LRRC23: variants seen among roughly 807,000 people sequenced by gnomAD.
LRRC23 encodes the protein leucine rich repeat containing 23.
A neutral mutation model predicts 37.7 loss-of-function variants in LRRC23; 28 were observed. That is an observed-to-expected ratio of 0.74 (90% CI 0.55 to 1.02). LRRC23 has a LOEUF of 1.02. Among genes scored for constraint, LRRC23 ranks in the 50% least tolerant of loss-of-function variants. The probability of loss-of-function intolerance (pLI) is 0.00; values close to 1 mark genes in which losing one functional copy is unlikely to be tolerated. For missense variants in LRRC23, 377 were observed against 413.2 expected (o/e 0.91, Z 0.76); for synonymous variants, 161 against 165.4 (o/e 0.97, Z 0.20).
At chr12:6,908,669 A>T (rs1945016748) in intron 5 of LRRC23, among the ~76,000 whole-genome samples, 1 of 143,832 alleles carries the variant, frequency 7.0e-6, no homozygotes, top group South Asian at 2.2e-4. Flanking sequence ...ATACAAAAAA[A>T]AAAAATTAGC....
chr12:6,910,930 A>G (rs1945144059), intron 6 of LRRC23, among the ~76,000 whole-genome samples: 1 of 151,946 alleles, frequency 6.6e-6, no homozygotes, highest in Non-Finnish European at 1.5e-5. Context: ...AAAGAAAGGA[A>G]TCAGAGGTGA....
chr12:6,910,056 C>T (rs1555140521), intron 6 of LRRC23, 30 bp downstream of exon 6: 1 of 1,583,150 alleles, frequency 6.3e-7, no homozygotes, highest in Admixed American at 1.8e-5. Context: ...CCCACCTTGC[C>T]CCTACCCCTG....
Position 6,914,083 on chromosome 12 carries a change from G to T in LRRC23, c.*217G>T. The stretch of plus-strand genomic sequence containing the variant: ...AATGGGGTGCCTAGGCCTGAGCGTT[G>T]CCTGGAGCCTAGGCCGGGGGCCGCC... On this transcript the variant is annotated 3_prime_UTR_variant, in exon 8 of 8. Transcript: ENST00000443597. This position sits in a 1 kb window ranked among gnomAD's most constrained non-coding sequence, Gnocchi z 7.1. The T allele has an allele frequency of 6.5e-7, 1 of 1,543,950 alleles. No homozygotes were observed. The highest frequency in any genetic ancestry group is 8.7e-7 in the Non-Finnish European group (1 of 1,148,910).
In LRRC23 at chr12:6,905,720, G is replaced by A. The variant is rs782388831; in HGVS notation, c.87G>A (p.Gly29=). Residue 29 remains glycine, a synonymous_variant, in exon 2 of 8, where the codon GGG becomes GGA. Coordinates refer to ENST00000443597, the MANE Select transcript of LRRC23 (RefSeq NM_001135217.2). ...KEEDEKETEE[G]EDYRKEGEEF... is the part of the protein sequence containing the mutation. ...AGGACGAGAAGGAGACAGAGGAGGG[G>A]GAGGACTACAGAAAAGAGGGGGAAG... is the stretch of plus-strand genomic sequence containing the variant. 1.3e-5 allele frequency: 21 copies of A among 1,613,432 alleles called. No individual in the cohort carries two copies. Among genetic ancestry groups the A allele is most frequent in the Non-Finnish European group, 1.8e-5 (21 of 1,179,650 alleles).
intron 5 of LRRC23, among the ~76,000 whole-genome samples, chr12:6,908,823 C>CTAAA (rs1565553133): frequency 1.7e-5 from 2 of 119,082 alleles, no homozygotes; most frequent in African/African-American, 6.2e-5. Context: ...GACTCTGTTT[C>CTAAA]AAAAAAAAAA....
At chr12:6,911,865 C>T (rs1281043414) in intron 6 of LRRC23, among the ~76,000 whole-genome samples, 1 of 152,020 alleles carries the variant, frequency 6.6e-6, no homozygotes, top group Non-Finnish European at 1.5e-5. Flanking sequence ...AAACATTAGC[C>T]AGGTGTGGTG....
In LRRC23 at chr12:6,910,667, C is replaced by T. The variant is rs142415874; in HGVS notation, c.758+641C>T. Among the ~76,000 whole-genome samples, 32 of 151,960 alleles carry T rather than the reference C, an allele frequency of 2.1e-4. No individual in the cohort carries two copies. In the East Asian group the frequency reaches 2.1e-3, roughly 10 times the overall value. On this transcript the variant is annotated intron_variant, in intron 6 of 7. Coordinates refer to ENST00000443597, the MANE Select transcript of LRRC23 (RefSeq NM_001135217.2). ...AGTTTGCAGTGAGCTGAGATAAAGC[C>T]GCTGCACTCCAGCCTGGGTGACAGA...
Position 6,913,551 on chromosome 12 carries a change from GTTTGTTTTT to G in LRRC23, c.*25-336_*25-328del, listed in dbSNP as rs1162104933. Among the ~76,000 whole-genome samples the G allele has an allele frequency of 6.3e-3, 495 of 78,152 alleles. 67 individuals carry two copies. Among genetic ancestry groups the G allele is most frequent in the African/African-American group, 0.022 (431 of 19,526 alleles). 51.3% of individuals were successfully genotyped at this position (78,152 alleles called of 152,430 possible). A position where few individuals can be genotyped will look rare whatever the true frequency, so the allele number is the denominator to read the frequency against. On this transcript the variant is annotated intron_variant, in intron 7 of 7. Transcript: ENST00000443597. ...TAGGGGAGAGGCTTTATTTACCTCT[GTTTGTTTTT>G]TTTTTTTTTTTTTTTTTTTTTTTGC...
intron 3 of LRRC23, 127 bp downstream of exon 3, chr12:6,906,081 A>G: frequency 1.2e-6 from 1 of 850,482 alleles, no homozygotes; most frequent in Non-Finnish European, 1.9e-6. Flanking sequence ...AGGGAAGGAC[A>G]GAATTTACTT....
intron 7 of LRRC23, 103 bp downstream of exon 7, chr12:6,913,130 G>A (rs1945209705): frequency 3.3e-6 from 4 of 1,221,618 alleles, no homozygotes; most frequent in Non-Finnish European, 4.6e-6. Flanking sequence ...GGAGAGGAAA[G>A]CATCAGACAA....
At position 6,910,024 on chromosome 12, in the gene LRRC23, G is replaced by A. The variant is rs1232261871; in HGVS notation, c.756G>A (p.Leu252=). 1.2e-6 allele frequency: 2 copies of A among 1,609,188 alleles called. No individual in the cohort carries two copies. Among genetic ancestry groups the A allele is most frequent in the Non-Finnish European group, 1.7e-6 (2 of 1,177,764 alleles). Residue 252 remains leucine, a splice_region_variant and synonymous_variant, in exon 6 of 8, where the codon CTG becomes CTA. Coordinates refer to ENST00000443597, the MANE Select transcript of LRRC23 (RefSeq NM_001135217.2). ...REMKSLQYLN[L]RGNMVANLGE... ...TGAAATCATTGCAGTACCTCAACCTGAGGTATGCACCCTCTCCAAGCCCCA... is the reference window on the plus strand; with the variant it reads ...TGAAATCATTGCAGTACCTCAACCTAAGGTATGCACCCTCTCCAAGCCCCA...
intron 6 of LRRC23, among the ~76,000 whole-genome samples, 177 bp from the exon 7 acceptor site, chr12:6,912,553 G>C (rs782229244): frequency 6.6e-6 from 1 of 152,270 alleles, no homozygotes; most frequent in African/African-American, 2.4e-5. Flanking sequence ...GCAGAAGCAG[G>C]ACCAGAGCGG....
chr12:6,912,758 C>G lies in LRRC23; in HGVS notation c.787C>G (p.Leu263Val). 1.2e-6 allele frequency: 2 copies of G among 1,614,048 alleles called. No homozygotes were observed. The highest frequency in any genetic ancestry group is 1.7e-6 in the Non-Finnish European group (2 of 1,180,008). ...RGNMVANLGE[L>V]AKLRDLPKLR... ...CAACATGGTGGCCAACCTGGGGGAG[C>G]TGGCCAAGCTTCGAGACCTGCCCAA... is the stretch of plus-strand genomic sequence containing the variant. The change falls in exon 7 of 8, where the codon CTG becomes GTG. Residue 263 changes from leucine to valine, a missense_variant. Physicochemically the swap from Leu to Val is conservative, Grantham distance 32. This residue lies in a region of LRRC23 where 266 missense variants were observed against 285.6 expected (regional missense o/e 0.93). Transcript: ENST00000443597.
Position 6,912,742 on chromosome 12 carries a change from G to A in LRRC23, c.771G>A (p.Val257=), listed in dbSNP as rs1378785954. Residue 257 remains valine, a synonymous_variant, in exon 7 of 8, where the codon GTG becomes GTA. Transcript: ENST00000443597. Reference sequence around the variant, plus strand: ...ACCACACTGGCAGGGGCAACATGGTGGCCAACCTGGGGGAGCTGGCCAAGC... The same window carrying A: ...ACCACACTGGCAGGGGCAACATGGTAGCCAACCTGGGGGAGCTGGCCAAGC... The part of the protein sequence containing the change: ...LQYLNLRGNM[V]ANLGELAKLR... 1.9e-6 allele frequency: 3 copies of A among 1,613,702 alleles called. No homozygotes were observed. Among genetic ancestry groups the A allele is most frequent in the African/African-American group, 2.7e-5 (2 of 74,872 alleles).
chr12:6,913,168 G>T, intron 7 of LRRC23, 141 bp downstream of exon 7: 1 of 859,444 alleles, frequency 1.2e-6, no homozygotes, highest in South Asian at 1.7e-5. Flanking sequence ...AGGAGGGTTA[G>T]GAGTCAGGGA....
chr12:6,905,803 G>T, intron 2 of LRRC23, 42 bp from the exon 3 acceptor site: 2 of 1,612,094 alleles, frequency 1.2e-6, no homozygotes, highest in South Asian at 2.2e-5. Context: ...GAAGGAGGGG[G>T]TTGGGCAGGG....
intron 1 of LRRC23, 82 bp from the exon 2 acceptor site, chr12:6,905,503 A>T (rs782410262): frequency 3.6e-6 from 3 of 830,146 alleles, no homozygotes; most frequent in Non-Finnish European, 5.9e-6. Flanking sequence ...GTCAGAAGTC[A>T]TGGGGGTGAT....
Position 6,910,020 on chromosome 12 carries a change from A to T in LRRC23, c.752A>T (p.Asn251Ile), listed in dbSNP as rs144341486. 3.7e-6 allele frequency: 6 copies of T among 1,610,158 alleles called. No individual in the cohort carries two copies. The African/African-American group carries it at 5.4e-5, about 14-fold the overall frequency. Residue 251 changes from asparagine to isoleucine, a missense_variant, in exon 6 of 8, where the codon AAC becomes ATC. Physicochemically the swap from Asn to Ile is moderately radical, Grantham distance 149 (BLOSUM62 -3). Coordinates refer to ENST00000443597, the MANE Select transcript of LRRC23 (RefSeq NM_001135217.2). ...GAAATGAAATCATTGCAGTACCTCAACCTGAGGTATGCACCCTCTCCAAGC... is the reference window on the plus strand; with the variant it reads ...GAAATGAAATCATTGCAGTACCTCATCCTGAGGTATGCACCCTCTCCAAGC... The part of the protein sequence containing the change: ...SREMKSLQYL[N>I]LRGNMVANLG...
At chr12:6,908,832 A>AT (rs1555140106) in intron 5 of LRRC23, among the ~76,000 whole-genome samples, 1 of 145,488 alleles carries the variant, frequency 6.9e-6, no homozygotes, top group Admixed American at 7.3e-5. Context: ...TCAAAAAAAA[A>AT]AAAAGAAAGA....
Sources: gnomAD v4.1 joint callset for allele counts (sites outside exome capture counted in the v4.1 genomes callset) on GRCh38, gnomAD v4.1.1 for gene constraint, gnomAD v4.1.1 regional missense constraint, Gnocchi (gnomAD v3.1) non-coding constraint, MANE v1.5 for transcripts, NCBI Gene and HGNC (gene_info 2026-07-23, HGNC 2026-07-21) for gene names.